Variants in RCOR3 observed in about 807,000 individuals in gnomAD.
RCOR3 encodes REST corepressor 3.
Under a neutral mutation model 64.1 loss-of-function variants are expected in RCOR3, and 13 were observed. The ratio of observed to expected loss-of-function variants is 0.20; its 90% CI spans 0.13 to 0.32. The LOEUF (loss-of-function observed/expected upper bound fraction) is 0.32, where lower values mean the gene tolerates loss of function less well. Ranked by LOEUF, RCOR3 falls within the 10% of genes least tolerant of loss-of-function variation. The pLI is 1.00. For synonymous variants in RCOR3, 215 were observed against 239.0 expected (o/e 0.90, Z 0.93); for missense variants, 489 against 701.2 (o/e 0.70, Z 3.42).
intron 2 of RCOR3, among the ~76,000 whole-genome samples, chr1:211,268,748 A>C (rs903033502): frequency 6.6e-6 from 1 of 152,178 alleles, no homozygotes; most frequent in Non-Finnish European, 1.5e-5. Flanking sequence ...TTCTCAGCTC[A>C]TGCTTTTGTG....
chr1:211,283,979 A>G (rs1235339846), intron 7 of RCOR3, among the ~76,000 whole-genome samples: 1 of 151,720 alleles, frequency 6.6e-6, no homozygotes, highest in Non-Finnish European at 1.5e-5. Context: ...TACTCTCTAC[A>G]GGGAAGTAAA....
At chr1:211,263,201 CTCA>C (rs1694661697) in intron 2 of RCOR3, among the ~76,000 whole-genome samples, 1 of 151,856 alleles carries the variant, frequency 6.6e-6, no homozygotes, top group African/African-American at 2.4e-5. Context: ...AGGACATGAA[CTCA>C]TCATTTTTTA....
chr1:211,288,647 G>A (rs1318009924), intron 7 of RCOR3, among the ~76,000 whole-genome samples: 2 of 147,228 alleles, frequency 1.4e-5, no homozygotes, highest in Non-Finnish European at 3.0e-5. Flanking sequence ...ATATTTTCAG[G>A]GTTAAGATAA....
rs1701751688 is a variant in RCOR3, at chr1:211,314,244, G to A, written c.*476G>A. 6.6e-6 allele frequency: 1 copy of A among 152,202 alleles called. No homozygotes were observed. The highest frequency in any genetic ancestry group is 2.4e-5 in the African/African-American group (1 of 41,378). The allele number at this position is 152,202 out of a possible 1,614,324, so 9.4% of individuals were successfully genotyped here. On this transcript the variant is annotated 3_prime_UTR_variant, in exon 12 of 12. Transcript: ENST00000419091. Reference sequence around the variant, plus strand: ...CCATTTTCCTATGTTAGGAGTGCAAGAATAGCCAGCATTTCCGATTTTGAC... The same window carrying A: ...CCATTTTCCTATGTTAGGAGTGCAAAAATAGCCAGCATTTCCGATTTTGAC...
At chr1:211,270,305 C>T (rs1016380974) in intron 2 of RCOR3, among the ~76,000 whole-genome samples, 15 of 152,012 alleles carry the variant, frequency 9.9e-5, no homozygotes, top group Admixed American at 6.5e-4. Flanking sequence ...TCAGGTGATC[C>T]GCCTGCCTTA....
intron 8 of RCOR3, among the ~76,000 whole-genome samples, chr1:211,293,513 G>A (rs576141213): frequency 9.2e-5 from 14 of 152,266 alleles, no homozygotes; most frequent in Non-Finnish European, 1.6e-4. Context: ...TTAAAACTCA[G>A]TTTAGCTGTC....
rs1210602058 is a variant in RCOR3, at chr1:211,315,462, C to G, written c.*1694C>G. ...GTCCTTTTCTTTCTCATTGAATCAT[C>G]TTAAATAGTTCTTGGCCCTGAATTT... is the stretch of plus-strand genomic sequence containing the variant. On this transcript the variant is annotated 3_prime_UTR_variant, in exon 12 of 12. Coordinates refer to ENST00000419091, the MANE Select transcript of RCOR3 (RefSeq NM_001136223.3). 1 of 152,192 alleles carries G rather than the reference C, an allele frequency of 6.6e-6. No homozygotes were observed. The highest frequency in any genetic ancestry group is 1.5e-5 in the Non-Finnish European group (1 of 68,026). The allele number at this position is 152,192 out of a possible 1,614,324, so 9.4% of individuals were successfully genotyped here.
intron 10 of RCOR3, among the ~76,000 whole-genome samples, chr1:211,309,456 TATAAG>T (rs1299862262): frequency 6.6e-6 from 1 of 152,234 alleles, no homozygotes; most frequent in African/African-American, 2.4e-5. Flanking sequence ...TATTAAAGAT[TATAAG>T]ATATCATCTG....
At chr1:211,303,271 ACT>A (rs1700560287) in intron 9 of RCOR3, 1 of 151,824 alleles carries the variant, frequency 6.6e-6, no homozygotes, top group South Asian at 2.1e-4. Flanking sequence ...GCACCTCCTT[ACT>A]TTTGGTGAGA....
chr1:211,274,635 A>G (rs572258452), intron 4 of RCOR3, among the ~76,000 whole-genome samples: 21 of 152,046 alleles, frequency 1.4e-4, no homozygotes, highest in Non-Finnish European at 2.1e-4. Context: ...TTTATAAAAA[A>G]TTTTAATGAT....
intron 6 of RCOR3, 65 bp from the exon 7 acceptor site, chr1:211,279,173 G>A (rs1697419466): frequency 9.0e-7 from 1 of 1,109,768 alleles, no homozygotes; most frequent in East Asian, 2.5e-5. Context: ...GGCAATAAGA[G>A]TGAAACGCTG....
intron 9 of RCOR3, among the ~76,000 whole-genome samples, chr1:211,299,138 AT>A (rs1297841443): frequency 6.6e-6 from 1 of 152,234 alleles, no homozygotes; most frequent in African/African-American, 2.4e-5. Flanking sequence ...TTATGACATT[AT>A]TATACAGGAT....
intron 9 of RCOR3, among the ~76,000 whole-genome samples, chr1:211,300,140 G>A (rs1266750297): frequency 4.3e-5 from 6 of 139,904 alleles, no homozygotes; most frequent in Admixed American, 1.6e-4. Flanking sequence ...GCATGATCTC[G>A]GCTCTCTGCA....
intron 7 of RCOR3, among the ~76,000 whole-genome samples, chr1:211,284,899 C>T (rs770975781): frequency 6.6e-6 from 1 of 152,136 alleles, no homozygotes; most frequent in Admixed American, 6.5e-5. Context: ...ATGAGGCTTA[C>T]GCATATGCCT....
chr1:211,304,065 T>C lies in RCOR3; in HGVS notation c.1018-18T>C, dbSNP rs753598873. 9 of 1,583,550 alleles carry C rather than the reference T, an allele frequency of 5.7e-6. No homozygotes were observed. The highest frequency in any genetic ancestry group is 5.1e-6 in the Non-Finnish European group (6 of 1,166,920). On this transcript the variant is annotated intron_variant, in intron 9 of 11. Coordinates refer to ENST00000419091, the MANE Select transcript of RCOR3 (RefSeq NM_001136223.3). ...TGTCTTCATATCCTCATTAGGAAAC[T>C]TCTCTTTAATTTTGTAGTCAAATCA...
chr1:211,262,347 T>C (rs1694469949), intron 2 of RCOR3, among the ~76,000 whole-genome samples: 1 of 152,168 alleles, frequency 6.6e-6, no homozygotes, highest in African/African-American at 2.4e-5. Flanking sequence ...TAAAAACTAA[T>C]GGAATTCTTG....
At chr1:211,282,956 A>G (rs187669478) in intron 7 of RCOR3, among the ~76,000 whole-genome samples, 4 of 152,260 alleles carry the variant, frequency 2.6e-5, no homozygotes. Flanking sequence ...ATTTAATTGG[A>G]ATCATATTGT....
At chr1:211,292,401 A>G (rs1236466666) in intron 8 of RCOR3, among the ~76,000 whole-genome samples, 1 of 152,234 alleles carries the variant, frequency 6.6e-6, no homozygotes, top group Non-Finnish European at 1.5e-5. Flanking sequence ...AATACTTTAA[A>G]TGCACTAAAA....
At chr1:211,281,736 T>C (rs890834978) in intron 7 of RCOR3, among the ~76,000 whole-genome samples, 1 of 152,208 alleles carries the variant, frequency 6.6e-6, no homozygotes, top group African/African-American at 2.4e-5. Flanking sequence ...AGGAAATTCC[T>C]CACAACTCTA....
Sources: allele counts gnomAD v4.1 joint callset (sites outside exome capture counted in the v4.1 genomes callset), GRCh38; gene constraint gnomAD v4.1.1; transcripts MANE v1.5; gene names NCBI Gene and HGNC (gene_info 2026-07-23, HGNC 2026-07-21).